SUPT3H: variants seen among roughly 807,000 people sequenced by gnomAD.
SUPT3H encodes SPT3 homolog, SAGA and STAGA complex component.
SUPT3H carries 44 observed loss-of-function variants against 44.3 expected under a neutral mutation model. That is an observed-to-expected ratio of 0.99 (90% CI 0.78 to 1.28). The LOEUF is 1.28. Among genes scored for constraint, SUPT3H ranks in the 50% most tolerant of loss-of-function variants. The pLI is 0.00. For synonymous variants in SUPT3H, 124 were observed against 125.6 expected (o/e 0.99, Z 0.09); for missense variants, 380 against 387.1 (o/e 0.98, Z 0.15).
chr6:45,172,759 T>G (rs530328682), intron 2 of SUPT3H, among the ~76,000 whole-genome samples: 280 of 152,070 alleles, frequency 1.8e-3, no homozygotes, highest in African/African-American at 6.6e-3. Flanking sequence ...GCCCAGCTAA[T>G]TTTTGTATTT....
intron 2 of SUPT3H, among the ~76,000 whole-genome samples, chr6:45,194,797 T>A (rs1340997283): frequency 6.6e-6 from 1 of 152,170 alleles, no homozygotes; most frequent in African/African-American, 2.4e-5. Flanking sequence ...GTCATTTAAA[T>A]CAATACAATT....
At chr6:44,953,560 C>T (rs982620442) in intron 8 of SUPT3H, 143 bp from the exon 9 acceptor site, 2 of 625,062 alleles carry the variant, frequency 3.2e-6, no homozygotes, top group Non-Finnish European at 5.6e-6. Context: ...TGAGCACACA[C>T]TTTCATTGAC....
intron 4 of SUPT3H, among the ~76,000 whole-genome samples, chr6:45,017,462 G>A (rs894872800): frequency 5.3e-5 from 8 of 151,542 alleles, no homozygotes; most frequent in African/African-American, 1.7e-4. Flanking sequence ...TTTCTTCCAG[G>A]GTTTTTATGG....
intron 4 of SUPT3H, among the ~76,000 whole-genome samples, chr6:45,016,885 T>C (rs1784367297): frequency 1.3e-5 from 2 of 151,718 alleles, no homozygotes; most frequent in African/African-American, 4.8e-5. Flanking sequence ...GGTCAAATGG[T>C]ATTTCTAGTT....
At chr6:45,069,758 T>C (rs1794084749) in intron 3 of SUPT3H, among the ~76,000 whole-genome samples, 1 of 152,194 alleles carries the variant, frequency 6.6e-6, no homozygotes, top group Non-Finnish European at 1.5e-5. Flanking sequence ...CTCTTATTTA[T>C]TTATTTTTAA....
At chr6:45,248,225 G>A (rs1771722712) in intron 2 of SUPT3H, among the ~76,000 whole-genome samples, 1 of 151,742 alleles carries the variant, frequency 6.6e-6, no homozygotes, top group Non-Finnish European at 1.5e-5. Flanking sequence ...ATATATAAAA[G>A]AAAAAATGAC....
At chr6:44,962,686 T>C (rs1211038835) in intron 6 of SUPT3H, among the ~76,000 whole-genome samples, 1 of 152,180 alleles carries the variant, frequency 6.6e-6, no homozygotes, top group African/African-American at 2.4e-5. Flanking sequence ...TTTTTGTATT[T>C]TTGAAATAGA....
intron 9 of SUPT3H, among the ~76,000 whole-genome samples, chr6:44,947,961 A>C (rs1773623112): frequency 6.6e-6 from 1 of 152,170 alleles, no homozygotes; most frequent in Non-Finnish European, 1.5e-5. Flanking sequence ...CACAGGCAAT[A>C]AATATAAAAG....
At chr6:45,178,579 C>A (rs1162262921) in intron 2 of SUPT3H, among the ~76,000 whole-genome samples, 1 of 151,966 alleles carries the variant, frequency 6.6e-6, no homozygotes, top group African/African-American at 2.4e-5. Context: ...TAGACATCTA[C>A]AGAACTCTCC....
chr6:44,816,240 T>A (rs1766902383), intron 11 of SUPT3H, among the ~76,000 whole-genome samples: 1 of 151,980 alleles, frequency 6.6e-6, no homozygotes, highest in African/African-American at 2.4e-5. Context: ...AGAGGGAAAC[T>A]GAAAAGGAAG....
In SUPT3H at chr6:45,014,800, C is replaced by T. The variant is rs770267214; in HGVS notation, c.364+1G>A. 2 of 1,578,034 alleles carry T rather than the reference C, an allele frequency of 1.3e-6. No homozygotes were observed. Among genetic ancestry groups the T allele is most frequent in the Admixed American group, 3.7e-5 (2 of 53,472 alleles). ...TTAGTTTTGTGTTTTGTTTTGGTTA[C>T]CTTCGAGAAGATCATCCTCATCGAT... On this transcript the variant is annotated splice_donor_variant, in intron 5 of 10. Coordinates refer to ENST00000371459, the MANE Select transcript of SUPT3H (RefSeq NM_003599.4). LOFTEE classifies it high-confidence loss of function.
intron 2 of SUPT3H, among the ~76,000 whole-genome samples, chr6:45,320,940 G>A (rs1356927817): frequency 6.6e-6 from 1 of 152,058 alleles, no homozygotes; most frequent in Admixed American, 6.6e-5. Flanking sequence ...AGTATTTAAT[G>A]TAAATAAACT....
At chr6:44,866,106 CTTTTTTT>C (rs57914401) in intron 10 of SUPT3H, among the ~76,000 whole-genome samples, 1 of 126,174 alleles carries the variant, frequency 7.9e-6, no homozygotes, top group South Asian at 2.7e-4. Flanking sequence ...CCTACATCGA[CTTTTTTT>C]TTTTTTTTTT....
intron 10 of SUPT3H, among the ~76,000 whole-genome samples, chr6:44,917,993 T>C (rs968104912): frequency 7.2e-5 from 11 of 152,154 alleles, no homozygotes; most frequent in Admixed American, 1.3e-4. Context: ...AGTAAATTCA[T>C]TGGGGGTAAT....
At chr6:44,888,909 T>G (rs1310373152) in intron 10 of SUPT3H, among the ~76,000 whole-genome samples, 6 of 106,218 alleles carry the variant, frequency 5.6e-5, no homozygotes, top group African/African-American at 2.2e-4. Context: ...ATAAGCGACT[T>G]CAGCAAAGTC....
intron 2 of SUPT3H, among the ~76,000 whole-genome samples, chr6:45,318,185 T>C (rs115422986): frequency 6.6e-6 from 1 of 152,072 alleles, no homozygotes; most frequent in African/African-American, 2.4e-5. Flanking sequence ...TTATGTTATA[T>C]GTATTTAACC....
intron 10 of SUPT3H, among the ~76,000 whole-genome samples, chr6:44,882,151 GAAT>G (rs1256843486): frequency 3.9e-5 from 6 of 151,972 alleles, no homozygotes; most frequent in African/African-American, 1.2e-4. Context: ...GACTAATAAA[GAAT>G]AAAAGACAGA....
intron 3 of SUPT3H, among the ~76,000 whole-genome samples, chr6:45,075,118 A>G (rs1405300013): frequency 2.0e-5 from 3 of 152,126 alleles, no homozygotes; most frequent in Non-Finnish European, 4.4e-5. Flanking sequence ...TCGGCATACA[A>G]TTAATATATT....
rs953539852 is a variant in SUPT3H at position 45,193,186 on chromosome 6, G to A, written c.102-87180C>T. Among the ~76,000 whole-genome samples, 60 of 151,904 alleles carry A rather than the reference G, an allele frequency of 3.9e-4. 1 individual carries two copies. Among genetic ancestry groups the A allele is most frequent in the Admixed American group, 2.4e-3 (36 of 15,228 alleles). On this transcript the variant is annotated intron_variant, in intron 2 of 10. Transcript: ENST00000371459. The stretch of plus-strand genomic sequence containing the variant: ...GGAATAAATGTTCTTTGAAACTCTC[G>A]ATTCAGAATAACACATGTACACCAA...
Sources: allele counts gnomAD v4.1 joint callset (sites outside exome capture counted in the v4.1 genomes callset), GRCh38; gene constraint gnomAD v4.1.1; transcripts MANE v1.5; gene names NCBI Gene and HGNC (gene_info 2026-07-23, HGNC 2026-07-21).